The following SMIM9 variants were observed in gnomAD, a reference collection of about 807,000 sequenced individuals.
SMIM9 encodes the protein chromosome X open reading frame 68.
A neutral mutation model predicts 7.2 loss-of-function variants in SMIM9; 8 were observed. The ratio of observed to expected loss-of-function variants is 1.10; its 90% CI spans 0.65 to 1.99. The LOEUF (loss-of-function observed/expected upper bound fraction) is 1.99, where lower values mean the gene tolerates loss of function less well. Ranked by LOEUF, SMIM9 falls within the 30% of genes most tolerant of loss-of-function variation. SMIM9 has a pLI of 0.00. For synonymous variants in SMIM9, 19 were observed against 26.4 expected, an observed-to-expected ratio of 0.72 and a Z score of 0.86; for missense variants, 76 against 69.3, an observed-to-expected ratio of 1.10 and a Z score of -0.34.
chrX:154,829,671 A>G lies in SMIM9; in HGVS notation c.143-7T>C. On this transcript the variant is annotated splice_polypyrimidine_tract_variant and splice_region_variant and intron_variant, in intron 3 of 4. Transcript: ENST00000369529. ...AGCCAGGACCTGTGATTACCTGCAGAAAGAGCATAGACATTCATTGAGGAG... is the reference window on the plus strand; with the variant it reads ...AGCCAGGACCTGTGATTACCTGCAGGAAGAGCATAGACATTCATTGAGGAG... 1 of 1,167,495 alleles carries G rather than the reference A, an allele frequency of 8.6e-7. No individual in the cohort carries two copies.
chrX:154,829,604 G>A lies in SMIM9; in HGVS notation c.203C>T (p.Ala68Val). 8.6e-7 allele frequency: 1 copy of A among 1,167,325 alleles called. No individual in the cohort carries two copies. Among genetic ancestry groups the A allele is most frequent in the Non-Finnish European group, 1.1e-6 (1 of 872,614 alleles). The change falls in exon 4 of 5, where the codon GCC becomes GTC. Residue 68 changes from alanine (A) to valine (V), a missense_variant. Physicochemically the swap from Ala to Val is moderately conservative, Grantham distance 64. Coordinates refer to ENST00000369529, the MANE Select transcript of SMIM9 (RefSeq NM_001162936.4). ...RDYLWQLIKSALPPAAIVAFL... is the reference protein window; with the variant it reads ...RDYLWQLIKSVLPPAAIVAFL... ...AGCAACAATGGCTGCTGGAGGTAAG[G>A]CACTCTTGATAAGTTGCCATAAGTA...
At chrX:154,830,451 G>T (rs1485091616) in intron 3 of SMIM9, 1 of 243,751 alleles carries the variant, frequency 4.1e-6, no homozygotes, top group Non-Finnish European at 7.3e-6. Flanking sequence ...CTCCATGGAA[G>T]GTTGGCATCT....
chrX:154,828,914 G>A (rs2072432737), intron 4 of SMIM9, among the ~76,000 whole-genome samples: 1 of 111,176 alleles, frequency 9.0e-6, no homozygotes, highest in African/African-American at 3.3e-5. Context: ...ACTATTTCCT[G>A]ACCTCATCTC....
At position 154,831,173 on chromosome X, in the gene SMIM9, T is replaced by C. The variant is rs1241169521; in HGVS notation, c.-99-218A>G. On this transcript the variant is annotated intron_variant, in intron 2 of 4. Transcript: ENST00000369529. ...CCTACACCTGATACCTTTTCAATCTTCCCCAACTCAATTAGTAGAAACTCT... is the reference window on the plus strand; with the variant it reads ...CCTACACCTGATACCTTTTCAATCTCCCCCAACTCAATTAGTAGAAACTCT... Among the ~76,000 whole-genome samples the C allele has an allele frequency of 3.6e-5, 4 of 111,223 alleles. No homozygotes were observed. The East Asian group carries it at 1.1e-3, about 31-fold the overall frequency.
chrX:154,832,246 T>A (rs1196040757), intron 2 of SMIM9, among the ~76,000 whole-genome samples: 1 of 111,447 alleles, frequency 9.0e-6, no homozygotes, highest in African/African-American at 3.3e-5. Flanking sequence ...GACATAGCTC[T>A]GGATAATGAA....
intron 4 of SMIM9, among the ~76,000 whole-genome samples, chrX:154,829,208 T>G (rs1350872807): frequency 1.8e-5 from 2 of 112,186 alleles, no homozygotes; most frequent in African/African-American, 6.5e-5. Context: ...GCTAATTATT[T>G]ATTTTCTATG....
chrX:154,824,384 A>G, intron 4 of SMIM9, among the ~76,000 whole-genome samples: 1 of 107,627 alleles, frequency 9.3e-6, no homozygotes, highest in Non-Finnish European at 1.9e-5. Context: ...AAAGAAAAAG[A>G]AAAAAAAGAA....
Position 154,829,672 on chromosome X carries a change from AAG to A in SMIM9, c.143-10_143-9del. 4.3e-6 allele frequency: 5 copies of A among 1,167,167 alleles called. No individual in the cohort carries two copies. Among genetic ancestry groups the A allele is most frequent in the Non-Finnish European group, 4.6e-6 (4 of 872,537 alleles). ...GCCAGGACCTGTGATTACCTGCAGA[AAG>A]AGCATAGACATTCATTGAGGAGAGG... On this transcript the variant is annotated splice_polypyrimidine_tract_variant and intron_variant, in intron 3 of 4. Coordinates refer to ENST00000369529, the MANE Select transcript of SMIM9 (RefSeq NM_001162936.4).
chrX:154,824,209 T>G (rs1354875904), intron 4 of SMIM9, among the ~76,000 whole-genome samples: 2 of 108,463 alleles, frequency 1.8e-5, no homozygotes, highest in Non-Finnish European at 3.8e-5. Flanking sequence ...TACAAAAAAT[T>G]AGCCTGGCGT....
chrX:154,828,714 A>G (rs1322659824), intron 4 of SMIM9, among the ~76,000 whole-genome samples: 1 of 111,866 alleles, frequency 8.9e-6, no homozygotes, highest in Non-Finnish European at 1.9e-5. Flanking sequence ...TGTGCCAGTA[A>G]CCACATCCAA....
rs12009271 is a variant in SMIM9, at chrX:154,830,834, A to G, written c.23T>C (p.Ile8Thr). The G allele has an allele frequency of 0.021, 24,198 of 1,164,801 alleles. 3,136 individuals are homozygous for G. In the African/African-American group the frequency reaches 0.38, roughly 19 times the overall value. MEPQKLL[I>T]IGFLLCSLTC... ...TAGAGAGCATAGCAGAAATCCAATT[A>G]TCAGCAGCTTCTGGGGTTCCATGGA... The change falls in exon 3 of 5, where the codon ATA (isoleucine) becomes ACA (threonine). Residue 8 changes from isoleucine (I) to threonine (T), a missense_variant. Physicochemically the swap from Ile to Thr is moderately conservative, Grantham distance 89 (BLOSUM62 -1). Transcript: ENST00000369529.
In SMIM9 at chrX:154,823,758, G is replaced by A; in HGVS notation, c.297C>T (p.His99=). Reference sequence around the variant, plus strand: ...CCCTGTTGAATCTTCTAGTTCTTCAGTGGACTGGATCAACTACAAGAATGC... The same window carrying A: ...CCCTGTTGAATCTTCTAGTTCTTCAATGGACTGGATCAACTACAAGAATGC... ...CFTILVVDPV[H] is the part of the protein sequence containing the mutation. Residue 99 remains histidine, a synonymous_variant, in exon 5 of 5, where the codon CAC becomes CAT. Coordinates refer to ENST00000369529, the MANE Select transcript of SMIM9 (RefSeq NM_001162936.4). 1 of 1,163,850 alleles carries A rather than the reference G, an allele frequency of 8.6e-7. No individual in the cohort carries two copies. The highest frequency in any genetic ancestry group is 1.1e-6 in the Non-Finnish European group (1 of 871,371).
chrX:154,828,826 T>G (rs2072432336), intron 4 of SMIM9, among the ~76,000 whole-genome samples: 1 of 111,205 alleles, frequency 9.0e-6, no homozygotes, highest in Non-Finnish European at 1.9e-5. Flanking sequence ...CTCAGCCACT[T>G]TTATTAGATT....
intron 4 of SMIM9, among the ~76,000 whole-genome samples, chrX:154,825,492 C>A (rs1441611202): frequency 2.7e-5 from 3 of 110,911 alleles, no homozygotes; most frequent in African/African-American, 9.9e-5. Flanking sequence ...CTAGTTCAAC[C>A]ATTGTGGAAA....
chrX:154,825,316 C>T (rs782000476), intron 4 of SMIM9, among the ~76,000 whole-genome samples: 2 of 107,180 alleles, frequency 1.9e-5, no homozygotes, highest in African/African-American at 6.8e-5. Context: ...CGATTCAACC[C>T]GGGAAGCAGA....
At position 154,833,746 on chromosome X, in the gene SMIM9, G is replaced by A. The variant is rs192862319; in HGVS notation, c.-210+817C>T. On this transcript the variant is annotated intron_variant, in intron 1 of 4. Transcript: ENST00000369529. ...AAAAAAAAAAAATGCAAATCAAGTCGAGGCAACATAGCAGGATACTGTCTC... is the reference window on the plus strand; with the variant it reads ...AAAAAAAAAAAATGCAAATCAAGTCAAGGCAACATAGCAGGATACTGTCTC... Among the ~76,000 whole-genome samples the A allele has an allele frequency of 4.8e-3, 531 of 109,779 alleles. 6 individuals are homozygous for A. Among genetic ancestry groups the A allele is most frequent in the African/African-American group, 0.017 (505 of 30,236 alleles).
intron 1 of SMIM9, among the ~76,000 whole-genome samples, chrX:154,833,798 TA>T (rs1477070292): frequency 2.7e-5 from 3 of 110,592 alleles, no homozygotes; most frequent in Non-Finnish European, 5.7e-5. Context: ...TTAAAAAAAT[TA>T]AAAAAATAAT....
rs1417532462 is a variant in SMIM9, at chrX:154,829,721, C to T, written c.143-57G>A. On this transcript the variant is annotated intron_variant, in intron 3 of 4. Coordinates refer to ENST00000369529, the MANE Select transcript of SMIM9 (RefSeq NM_001162936.4). ...GAGGTCAAGTAAATGATAGGGCTGG[C>T]GTTTGAATCCAAATTCGAGTTCAAA... 20 of 1,102,794 alleles carry T rather than the reference C, an allele frequency of 1.8e-5. No individual in the cohort carries two copies. The East Asian group carries it at 5.6e-4, about 31-fold the overall frequency. 90.9% of individuals were successfully genotyped at this position (1,102,794 alleles called of 1,213,427 possible). A position where few individuals can be genotyped will look rare whatever the true frequency, so the allele number is the denominator to read the frequency against.
At chrX:154,830,376 C>T (rs1603430803) in intron 3 of SMIM9, among the ~76,000 whole-genome samples, 1 of 111,224 alleles carries the variant, frequency 9.0e-6, no homozygotes, top group African/African-American at 3.3e-5. Flanking sequence ...TTTGTCAAGT[C>T]TTTCCTGACC....
Sources: gnomAD v4.1 joint callset for allele counts (sites outside exome capture counted in the v4.1 genomes callset) on GRCh38, gnomAD v4.1.1 for gene constraint, MANE v1.5 for transcripts, NCBI Gene and HGNC (gene_info 2026-07-23, HGNC 2026-07-21) for gene names.